Variants in SYCE3 observed in about 807,000 individuals in gnomAD.
The protein encoded by SYCE3 is testis highly expressed gene 2 protein.
SYCE3 carries 3 observed loss-of-function variants against 8.1 expected under a neutral mutation model. That is an observed-to-expected ratio of 0.37 (90% CI 0.17 to 0.96). The LOEUF (loss-of-function observed/expected upper bound fraction) is 0.96, where lower values mean the gene tolerates loss of function less well. SYCE3 is among the 40% of genes least tolerant of loss of function. SYCE3 has a pLI of 0.41. For missense variants in SYCE3, 83 were observed against 110.0 expected (o/e 0.75, Z 1.10); for synonymous variants, 36 against 38.7 (o/e 0.93, Z 0.26).
At chr22:50,555,661 T>G (rs2069852981) in intron 2 of SYCE3, among the ~76,000 whole-genome samples, 1 of 152,188 alleles carries the variant, frequency 6.6e-6, no homozygotes, top group South Asian at 2.1e-4. Context: ...GACATTCCTT[T>G]CTATTGATTC....
chr22:50,551,505 C>T (rs1603442683), intron 2 of SYCE3, 103 bp from the exon 3 acceptor site: 1 of 1,284,392 alleles, frequency 7.8e-7, no homozygotes, highest in African/African-American at 1.5e-5. Flanking sequence ...CATCTGGAGG[C>T]CCAGATCCTG....
intron 1 of SYCE3, among the ~76,000 whole-genome samples, chr22:50,557,993 G>C (rs896702322): frequency 2.0e-5 from 3 of 152,166 alleles, no homozygotes; most frequent in African/African-American, 7.2e-5. Flanking sequence ...CTAGACTGTG[G>C]GGTCCTGGAA....
intron 1 of SYCE3, among the ~76,000 whole-genome samples, chr22:50,559,701 C>T (rs1366271908): frequency 3.3e-5 from 5 of 151,970 alleles, no homozygotes; most frequent in Admixed American, 6.6e-5. Flanking sequence ...AAGGCAGAGG[C>T]GGGGGATCAC....
rs1488800409 is a variant in SYCE3, at chr22:50,551,339, G to A, written c.173C>T (p.Ser58Phe). ...VMRTNPTLAE[S>F]MRRLEDAFVN... ...GAAGGCATCCTCCAGCCGACGCATG[G>A]ACTCGGCCAGCGTAGGGTTGGTGCG... Residue 58 changes from serine to phenylalanine, a missense_variant, in exon 3 of 3, where the codon TCC becomes TTC. Coordinates refer to ENST00000406915, the MANE Select transcript of SYCE3 (RefSeq NM_001123225.3). 8 of 1,551,150 alleles carry A rather than the reference G, an allele frequency of 5.2e-6. No homozygotes were observed. Among genetic ancestry groups the A allele is most frequent in the Non-Finnish European group, 7.0e-6 (8 of 1,146,976 alleles).
chr22:50,553,625 C>G (rs955557891), intron 2 of SYCE3, among the ~76,000 whole-genome samples: 1 of 152,140 alleles, frequency 6.6e-6, no homozygotes, highest in Non-Finnish European at 1.5e-5. Context: ...CTCCGTCACC[C>G]AGGCTGCAGT....
chr22:50,553,036 G>T (rs1477475161), intron 2 of SYCE3, among the ~76,000 whole-genome samples: 2 of 152,068 alleles, frequency 1.3e-5, no homozygotes, highest in Non-Finnish European at 2.9e-5. Flanking sequence ...TGTCTTTACA[G>T]AAAATACAAA....
intron 1 of SYCE3, among the ~76,000 whole-genome samples, chr22:50,559,191 A>G (rs1423222905): frequency 6.6e-6 from 1 of 151,762 alleles, no homozygotes; most frequent in African/African-American, 2.4e-5. Context: ...CAGTGGCGTC[A>G]TATCGGCTCA....
intron 2 of SYCE3, among the ~76,000 whole-genome samples, chr22:50,554,721 G>A (rs890322738): frequency 4.6e-4 from 69 of 149,146 alleles, no homozygotes; most frequent in African/African-American, 1.5e-3. Flanking sequence ...AAGGCCAGGC[G>A]CGGTGGCTCA....
intron 2 of SYCE3, among the ~76,000 whole-genome samples, chr22:50,552,365 A>G (rs1332729796): frequency 6.6e-6 from 1 of 152,150 alleles, no homozygotes; most frequent in East Asian, 1.9e-4. Context: ...GCAATGTATC[A>G]ATCTCGGCCG....
chr22:50,553,436 C>T (rs2148697867), intron 2 of SYCE3, among the ~76,000 whole-genome samples: 1 of 152,244 alleles, frequency 6.6e-6, no homozygotes, highest in Middle Eastern at 3.4e-3. Flanking sequence ...CTTATCTCCC[C>T]TCATTTTGCT....
At chr22:50,560,234 C>T (rs1328156511) in intron 1 of SYCE3, among the ~76,000 whole-genome samples, 1 of 152,166 alleles carries the variant, frequency 6.6e-6, no homozygotes, top group Non-Finnish European at 1.5e-5. Flanking sequence ...CATGGTAGCT[C>T]ATGCCTGGAA....
chr22:50,551,230 G>A lies in SYCE3; in HGVS notation c.*15C>T, dbSNP rs1056788874. 5 of 1,550,494 alleles carry A rather than the reference G, an allele frequency of 3.2e-6. No individual in the cohort carries two copies. In the African/African-American group the frequency reaches 5.5e-5, roughly 17 times the overall value. On this transcript the variant is annotated 3_prime_UTR_variant, in exon 3 of 3. Transcript: ENST00000406915. ...GGCAGAGGGTGGCATGGCAGCTGTG[G>A]TGGGCCAGTGGGGCCTACAGCCTTT...
At chr22:50,555,658 CT>C (rs1250552659) in intron 2 of SYCE3, among the ~76,000 whole-genome samples, 3 of 152,168 alleles carry the variant, frequency 2.0e-5, no homozygotes, top group Non-Finnish European at 4.4e-5. Flanking sequence ...CCAGACATTC[CT>C]TTCTATTGAT....
chr22:50,551,425 G>C (rs772264242), intron 2 of SYCE3, 23 bp from the exon 3 acceptor site: 24 of 1,540,702 alleles, frequency 1.6e-5, no homozygotes, highest in African/African-American at 4.1e-5. Flanking sequence ...GACAGGACTG[G>C]TCAGGCCACA....
chr22:50,557,367 G>A (rs945020640), intron 1 of SYCE3, among the ~76,000 whole-genome samples: 1 of 152,002 alleles, frequency 6.6e-6, no homozygotes, highest in Non-Finnish European at 1.5e-5. Flanking sequence ...TGTTGGCCAG[G>A]CTGGTCTCAA....
At chr22:50,560,969 G>A (rs371547381) in intron 1 of SYCE3, among the ~76,000 whole-genome samples, 20 of 152,162 alleles carry the variant, frequency 1.3e-4, no homozygotes, top group East Asian at 1.2e-3. Context: ...TGAGGAGAAC[G>A]ATAAAGCTTT....
intron 2 of SYCE3, among the ~76,000 whole-genome samples, chr22:50,554,799 C>T (rs57956372): frequency 0.075 from 11,316 of 151,326 alleles, 923 homozygotes; most frequent in African/African-American, 0.2. Context: ...TCAAGACTAT[C>T]CTGGCCAACA....
chr22:50,551,520 G>A lies in SYCE3; in HGVS notation c.110-118C>T, dbSNP rs1603442684. On this transcript the variant is annotated intron_variant, in intron 2 of 2. Transcript: ENST00000406915. ...CATCTGGAGGCCCAGATCCTGCTGAGGCACCCAATTACTCTAGGGAGAGAC... is the reference window on the plus strand; with the variant it reads ...CATCTGGAGGCCCAGATCCTGCTGAAGCACCCAATTACTCTAGGGAGAGAC... 9.2e-6 allele frequency: 10 copies of A among 1,092,558 alleles called. No individual in the cohort carries two copies. In the East Asian group the frequency reaches 2.6e-4, roughly 29 times the overall value. The allele number at this position is 1,092,558 out of a possible 1,614,324, so 67.7% of individuals were successfully genotyped here.
chr22:50,557,818 C>T (rs2069875899), intron 1 of SYCE3, among the ~76,000 whole-genome samples: 1 of 152,114 alleles, frequency 6.6e-6, no homozygotes, highest in Non-Finnish European at 1.5e-5. Context: ...AGGGATGGGC[C>T]ACAGATGCTG....
Sources: allele counts gnomAD v4.1 joint callset (sites outside exome capture counted in the v4.1 genomes callset), GRCh38; gene constraint gnomAD v4.1.1; transcripts MANE v1.5; gene names NCBI Gene and HGNC (gene_info 2026-07-23, HGNC 2026-07-21).